The following KNG1 variants were observed in gnomAD, a reference collection of about 807,000 sequenced individuals.
KNG1 encodes the protein kininogen 1.
In KNG1, 23 loss-of-function variants were observed where a neutral mutation model predicts 47.8. That is an observed-to-expected ratio of 0.48 (90% confidence interval 0.35 to 0.68). The LOEUF (loss-of-function observed/expected upper bound fraction) is 0.68, where lower values mean the gene tolerates loss of function less well. Ranked by LOEUF, KNG1 falls within the 30% of genes least tolerant of loss-of-function variation. The pLI, the probability that KNG1 is intolerant of heterozygous loss-of-function variation, is 0.01. For synonymous variants in KNG1, 277 were observed against 277.0 expected, an observed-to-expected ratio of 1.00 and a Z score of 0.00; for missense variants, 762 against 790.2, an observed-to-expected ratio of 0.96 and a Z score of 0.43.
At position 186,743,814 on chromosome 3, in the gene KNG1, C is replaced by G; in HGVS notation, c.*1483C>G. ...ATGGGCAGAATCTTCACTCCAGGCACATAGCCCCAACCACCTCTGCCAGCA... is the reference window on the plus strand; with the variant it reads ...ATGGGCAGAATCTTCACTCCAGGCAGATAGCCCCAACCACCTCTGCCAGCA... On this transcript the variant is annotated 3_prime_UTR_variant, in exon 10 of 10. Transcript: ENST00000644859. 1.3e-6 allele frequency: 2 copies of G among 1,534,572 alleles called. No homozygotes were observed. The highest frequency in any genetic ancestry group is 1.8e-6 in the Non-Finnish European group (2 of 1,107,656).
At position 186,742,109 on chromosome 3, in the gene KNG1, T is replaced by C; in HGVS notation, c.1713T>C (p.Thr571=). 2 of 1,614,122 alleles carry C rather than the reference T, an allele frequency of 1.2e-6. No homozygotes were observed. Among genetic ancestry groups the C allele is most frequent in the Non-Finnish European group, 1.7e-6 (2 of 1,180,014 alleles). The change falls in exon 10 of 10, where the codon ACT becomes ACC. Residue 571 remains threonine, a synonymous_variant. Transcript: ENST00000644859. ...SDFQDSDLIA[T]MMPPISPAPI... ...TTCAGGACTCTGATCTCATTGCAAC[T>C]ATGATGCCTCCTATATCACCAGCTC... is the stretch of plus-strand genomic sequence containing the variant.
chr3:186,725,583 C>T (rs1237324462), intron 4 of KNG1, among the ~76,000 whole-genome samples: 11 of 105,810 alleles, frequency 1.0e-4, no homozygotes, highest in African/African-American at 2.8e-4. Flanking sequence ...CTCTCTCTGT[C>T]GCCCAGGCTG....
In KNG1 at chr3:186,725,264, T is replaced by C; in HGVS notation, c.564+4T>C. ...AGTAAAACGGGCCCAAAGACAGGTTTGTTCTTTAATTCTCTAAGTAGCACA... is the reference window on the plus strand; with the variant it reads ...AGTAAAACGGGCCCAAAGACAGGTTCGTTCTTTAATTCTCTAAGTAGCACA... On this transcript the variant is annotated splice_donor_region_variant and intron_variant, in intron 4 of 9. Transcript: ENST00000644859. The C allele has an allele frequency of 6.2e-7, 1 of 1,613,238 alleles. No individual in the cohort carries two copies. The highest frequency in any genetic ancestry group is 8.5e-7 in the Non-Finnish European group (1 of 1,179,192).
chr3:186,742,122 A>G lies in KNG1; in HGVS notation c.1726A>G (p.Ile576Val). Residue 576 changes from isoleucine to valine, a missense_variant, in exon 10 of 10, where the codon ATA (isoleucine) becomes GTA (valine). Coordinates refer to ENST00000644859, the MANE Select transcript of KNG1 (RefSeq NM_001102416.3). ...TCTCATTGCAACTATGATGCCTCCT[A>G]TATCACCAGCTCCCATACAGAGTGA... is the stretch of plus-strand genomic sequence containing the variant. Reference protein sequence around the residue: ...SDLIATMMPPISPAPIQSDDD... With the variant: ...SDLIATMMPPVSPAPIQSDDD... The G allele has an allele frequency of 5.0e-6, 8 of 1,614,096 alleles. No individual in the cohort carries two copies. Among genetic ancestry groups the G allele is most frequent in the Non-Finnish European group, 6.8e-6 (8 of 1,179,992 alleles).
chr3:186,739,123 A>G lies in KNG1; in HGVS notation c.955A>G (p.Ile319Val), dbSNP rs764001086. ...GGTGGTGGCTGGCAAGAAATATTTT[A>G]TTGACTTCGTGGCCAGGGAAACCAC... ...VQVVAGKKYF[I>V]DFVARETTCS... Residue 319 changes from isoleucine (I) to valine (V), a missense_variant, in exon 8 of 10, where the codon ATT becomes GTT. Ile to Val is a conservative substitution (Grantham distance 29, BLOSUM62 3). Transcript: ENST00000644859. The G allele has an allele frequency of 6.2e-7, 1 of 1,614,054 alleles. No homozygotes were observed. The highest frequency in any genetic ancestry group is 8.5e-7 in the Non-Finnish European group (1 of 1,179,934).
rs1403759859 is a variant in KNG1, at chr3:186,727,032, G to T, written c.565-205G>T. On this transcript the variant is annotated intron_variant, in intron 4 of 9. Coordinates refer to ENST00000644859, the MANE Select transcript of KNG1 (RefSeq NM_001102416.3). Reference sequence around the variant, plus strand: ...TGGCTAGCGGTGTATGTGTGTGTGTGTGTGTGTGTTTGTGTGAGAGATATG... The same window carrying T: ...TGGCTAGCGGTGTATGTGTGTGTGTTTGTGTGTGTTTGTGTGAGAGATATG... Among the ~76,000 whole-genome samples, 4 of 151,444 alleles carry T rather than the reference G, an allele frequency of 2.6e-5. No individual in the cohort carries two copies. The East Asian group carries it at 7.7e-4, about 29-fold the overall frequency.
At chr3:186,737,779 C>T (rs1350238093) in intron 7 of KNG1, among the ~76,000 whole-genome samples, 2 of 152,020 alleles carry the variant, frequency 1.3e-5, no homozygotes, top group African/African-American at 2.4e-5. Context: ...AGGACGGTCT[C>T]GAACCCCTGA....
At chr3:186,724,899 T>C (rs1307663082) in intron 3 of KNG1, among the ~76,000 whole-genome samples, 189 bp from the exon 4 acceptor site, 1 of 152,056 alleles carries the variant, frequency 6.6e-6, no homozygotes, top group Non-Finnish European at 1.5e-5. Context: ...TTAGGAGAGA[T>C]GGGGTTTCAC....
chr3:186,721,584 T>C (rs1656911), intron 2 of KNG1, among the ~76,000 whole-genome samples: 65,219 of 152,098 alleles, frequency 0.43, 14,395 homozygotes, highest in South Asian at 0.61. Flanking sequence ...TATCCCATCT[T>C]CTACAAGACG....
At chr3:186,726,395 A>ATC (rs1720375203) in intron 4 of KNG1, among the ~76,000 whole-genome samples, 1 of 145,456 alleles carries the variant, frequency 6.9e-6, no homozygotes, top group Non-Finnish European at 1.5e-5. Flanking sequence ...AGTTTAAGAG[A>ATC]TCTCCTGCCT....
rs377042814 is a variant in KNG1 at position 186,738,044 on chromosome 3, C to T, written c.931-1055C>T. On this transcript the variant is annotated intron_variant, in intron 7 of 9. Coordinates refer to ENST00000644859, the MANE Select transcript of KNG1 (RefSeq NM_001102416.3). ...AGGCTGGAGTGCAGTGGCATGACCT[C>T]AGCTCACTGCAACCTCCGCCTCCTG... 8.7e-4 allele frequency among the ~76,000 whole-genome samples: 132 copies of T among 152,242 alleles called. 2 individuals are homozygous for T. The highest frequency in any genetic ancestry group is 3.0e-3 in the African/African-American group (124 of 41,538).
chr3:186,724,651 G>C (rs1334323910), intron 3 of KNG1, among the ~76,000 whole-genome samples: 1 of 151,302 alleles, frequency 6.6e-6, no homozygotes, highest in African/African-American at 2.4e-5. Flanking sequence ...TATGCTGGAT[G>C]TTAGTCCCTT....
intron 2 of KNG1, chr3:186,720,526 A>AGGGG: frequency 3.7e-6 from 1 of 272,644 alleles, no homozygotes; most frequent in South Asian, 3.2e-5. Flanking sequence ...AGAGCTGGCG[A>AGGGG]GGGGAGGGGG....
In KNG1 at chr3:186,741,792, G is replaced by C. The variant is rs746309243; in HGVS notation, c.1396G>C (p.Glu466Gln). The C allele has an allele frequency of 1.9e-6, 3 of 1,613,898 alleles. No homozygotes were observed. The South Asian group carries it at 3.3e-5, about 18-fold the overall frequency. Reference sequence around the variant, plus strand: ...AGGACATGGCCTTGGCCATGGACACGAACAACAGCATGGTCTTGGTCATGG... The same window carrying C: ...AGGACATGGCCTTGGCCATGGACACCAACAACAGCATGGTCTTGGTCATGG... The part of the protein sequence containing the change: ...QRGHGLGHGH[E>Q]QQHGLGHGHK... Residue 466 changes from glutamate (E) to glutamine (Q), a missense_variant, in exon 10 of 10, where the codon GAA (glutamate) becomes CAA (glutamine). Physicochemically the swap from Glu to Gln is conservative, Grantham distance 29. Coordinates refer to ENST00000644859, the MANE Select transcript of KNG1 (RefSeq NM_001102416.3).
intron 9 of KNG1, among the ~76,000 whole-genome samples, chr3:186,739,776 G>C (rs1448121963): frequency 6.6e-6 from 1 of 152,210 alleles, no homozygotes; most frequent in Non-Finnish European, 1.5e-5. Flanking sequence ...GCATGGCTGG[G>C]CGCGGTGGCT....
intron 3 of KNG1, among the ~76,000 whole-genome samples, chr3:186,723,765 C>A (rs1199475028): frequency 2.2e-5 from 2 of 90,464 alleles, no homozygotes; most frequent in Non-Finnish European, 4.7e-5. Flanking sequence ...TCTCCAGCCT[C>A]AGCCTCAGCC....
chr3:186,743,411 C>T lies in KNG1; in HGVS notation c.*1080C>T. On this transcript the variant is annotated 3_prime_UTR_variant, in exon 10 of 10. Coordinates refer to ENST00000644859, the MANE Select transcript of KNG1 (RefSeq NM_001102416.3). ...GAATAATAGGATTGCCTTTCATTGC[C>T]CTATAGTGCAAAGAAGGTATATGCT... The T allele has an allele frequency of 2.6e-6, 1 of 387,574 alleles. No individual in the cohort carries two copies. 24.0% of individuals were successfully genotyped at this position (387,574 alleles called of 1,614,324 possible). A position where few individuals can be genotyped will look rare whatever the true frequency, so the allele number is the denominator to read the frequency against.
intron 1 of KNG1, chr3:186,718,036 G>A (rs34651871): frequency 0.79 from 148,637 of 189,312 alleles, 57,322 homozygotes; most frequent in South Asian, 0.8. Context: ...ACCACCACTC[G>A]CCACCATCAC....
At chr3:186,717,803 C>CAT in intron 1 of KNG1, 66 bp downstream of exon 1, 1 of 775,122 alleles carries the variant, frequency 1.3e-6, no homozygotes. Flanking sequence ...GTCCAGGCCT[C>CAT]ACACACACAC....
Sources: gnomAD v4.1 joint callset for allele counts (sites outside exome capture counted in the v4.1 genomes callset) on GRCh38, gnomAD v4.1.1 for gene constraint, MANE v1.5 for transcripts, NCBI Gene and HGNC (gene_info 2026-07-23, HGNC 2026-07-21) for gene names.